Variants in GPATCH2 observed in about 807,000 individuals in gnomAD.
GPATCH2 encodes G patch domain-containing protein 2.
Under a neutral mutation model 58.0 loss-of-function variants are expected in GPATCH2, and 51 were observed. That is an observed-to-expected ratio of 0.88 (90% confidence interval 0.70 to 1.11). The LOEUF is 1.11. Among genes scored for constraint, GPATCH2 ranks in the 50% most tolerant of loss-of-function variants. The probability of loss-of-function intolerance (pLI) is 0.00; values close to 1 mark genes in which losing one functional copy is unlikely to be tolerated. For missense variants in GPATCH2, 625 were observed against 652.2 expected, an observed-to-expected ratio of 0.96 and a Z score of 0.45; for synonymous variants, 222 against 218.5, an observed-to-expected ratio of 1.02 and a Z score of -0.14.
chr1:217,598,204 A>G (rs532358213), intron 5 of GPATCH2, among the ~76,000 whole-genome samples: 97 of 152,074 alleles, frequency 6.4e-4, no homozygotes, highest in Non-Finnish European at 1.2e-3. Context: ...TGGCCAACAT[A>G]TCGAAACCCT....
intron 5 of GPATCH2, among the ~76,000 whole-genome samples, chr1:217,538,566 G>T (rs557820804): frequency 6.6e-6 from 1 of 152,124 alleles, no homozygotes; most frequent in African/African-American, 2.4e-5. Context: ...CAAATCTCTT[G>T]CAAATATCAA....
At chr1:217,611,400 A>C (rs1015080465) in intron 3 of GPATCH2, among the ~76,000 whole-genome samples, 4 of 152,074 alleles carry the variant, frequency 2.6e-5, no homozygotes. Context: ...TCACTTAAGA[A>C]ATGTTATCTT....
At chr1:217,538,862 C>T (rs1223286560) in intron 5 of GPATCH2, among the ~76,000 whole-genome samples, 1 of 152,206 alleles carries the variant, frequency 6.6e-6, no homozygotes, top group East Asian at 1.9e-4. Flanking sequence ...GAATGCTATA[C>T]TGTCAAACAG....
At chr1:217,576,672 T>C (rs756524024) in intron 5 of GPATCH2, among the ~76,000 whole-genome samples, 5 of 152,200 alleles carry the variant, frequency 3.3e-5, no homozygotes, top group Non-Finnish European at 7.4e-5. Flanking sequence ...AGATGTTGGC[T>C]ATGAGGTTTC....
intron 6 of GPATCH2, among the ~76,000 whole-genome samples, chr1:217,514,160 CTT>C (rs1227169328): frequency 6.9e-6 from 1 of 144,214 alleles, no homozygotes; most frequent in Non-Finnish European, 1.5e-5. Context: ...TCTTTTACTC[CTT>C]TTTTTTTTTC....
intron 6 of GPATCH2, chr1:217,498,609 C>A: frequency 1.7e-6 from 1 of 593,698 alleles, no homozygotes; most frequent in East Asian, 2.8e-5. Context: ...ATTTAATAAG[C>A]AAACTGAGTT....
chr1:217,631,033 G>T lies in GPATCH2; in HGVS notation c.-62C>A. ...CCGTGAACAGACTCCAACTACAACAGCACCGGCGACTTCCAAAGAGCAGTT... is the reference window on the plus strand; with the variant it reads ...CCGTGAACAGACTCCAACTACAACATCACCGGCGACTTCCAAAGAGCAGTT... On this transcript the variant is annotated 5_prime_UTR_variant, in exon 1 of 10. The change creates a new upstream start codon in the 5' untranslated region. Transcript: ENST00000366935. 3 of 1,451,594 alleles carry T rather than the reference G, an allele frequency of 2.1e-6. No homozygotes were observed. Among genetic ancestry groups the T allele is most frequent in the Admixed American group, 2.0e-5 (1 of 50,696 alleles). The allele number at this position is 1,451,594 out of a possible 1,614,324, so 89.9% of individuals were successfully genotyped here.
intron 3 of GPATCH2, 124 bp from the exon 4 acceptor site, chr1:217,611,195 T>C: frequency 1.3e-6 from 1 of 795,044 alleles, no homozygotes; most frequent in Non-Finnish European, 2.0e-6. Context: ...GATCAATGAC[T>C]AACTTTTAAT....
At chr1:217,480,707 A>G (rs892633280) in intron 8 of GPATCH2, among the ~76,000 whole-genome samples, 1 of 152,228 alleles carries the variant, frequency 6.6e-6, no homozygotes, top group Non-Finnish European at 1.5e-5. Flanking sequence ...TTGTTGCAGC[A>G]CAGTTCACAA....
At chr1:217,510,353 A>G (rs2102571612) in intron 6 of GPATCH2, among the ~76,000 whole-genome samples, 1 of 152,092 alleles carries the variant, frequency 6.6e-6, no homozygotes, top group African/African-American at 2.4e-5. Context: ...TTGTGATTTG[A>G]TATCCTCCAC....
chr1:217,563,824 C>G (rs781516347), intron 5 of GPATCH2, among the ~76,000 whole-genome samples: 84 of 152,022 alleles, frequency 5.5e-4, no homozygotes, highest in Non-Finnish European at 1.0e-3. Flanking sequence ...GCGGGTGGAT[C>G]ACCTGAGGTA....
chr1:217,485,676 A>G (rs1661422552), intron 8 of GPATCH2, among the ~76,000 whole-genome samples: 1 of 152,138 alleles, frequency 6.6e-6, no homozygotes, highest in Non-Finnish European at 1.5e-5. Flanking sequence ...AAGGATACAA[A>G]CCTGATGGTG....
chr1:217,432,426 G>C (rs1269864495), intron 9 of GPATCH2, among the ~76,000 whole-genome samples: 2 of 152,064 alleles, frequency 1.3e-5, no homozygotes, highest in Non-Finnish European at 2.9e-5. Flanking sequence ...TGAAATCCAA[G>C]GATGGAGAAA....
At chr1:217,626,710 C>T (rs1669479405) in intron 1 of GPATCH2, among the ~76,000 whole-genome samples, 1 of 152,068 alleles carries the variant, frequency 6.6e-6, no homozygotes, top group African/African-American at 2.4e-5. Context: ...GAGACTATGT[C>T]TTCAATTTTC....
At chr1:217,538,909 G>A (rs1664600931) in intron 5 of GPATCH2, among the ~76,000 whole-genome samples, 1 of 152,126 alleles carries the variant, frequency 6.6e-6, no homozygotes, top group African/African-American at 2.4e-5. Flanking sequence ...CTGATGCCTT[G>A]TGCTGACTCC....
chr1:217,553,501 T>G (rs192363332), intron 5 of GPATCH2, among the ~76,000 whole-genome samples: 264 of 152,252 alleles, frequency 1.7e-3, no homozygotes, highest in Non-Finnish European at 3.1e-3. Context: ...GTCACAGGTA[T>G]ATCATTATTG....
intron 5 of GPATCH2, among the ~76,000 whole-genome samples, chr1:217,604,445 A>G (rs1295188174): frequency 6.6e-6 from 1 of 152,148 alleles, no homozygotes; most frequent in Non-Finnish European, 1.5e-5. Flanking sequence ...CAGAATATAC[A>G]TGACATATAT....
At chr1:217,437,924 C>A (rs1658922694) in intron 9 of GPATCH2, among the ~76,000 whole-genome samples, 1 of 152,176 alleles carries the variant, frequency 6.6e-6, no homozygotes, top group Non-Finnish European at 1.5e-5. Flanking sequence ...CCCTGACCCC[C>A]GTGCTTCCTG....
In GPATCH2 at chr1:217,514,909, G is replaced by T; in HGVS notation, c.1099-20C>A. On this transcript the variant is annotated intron_variant, in intron 5 of 9. Coordinates refer to ENST00000366935, the MANE Select transcript of GPATCH2 (RefSeq NM_018040.5). Reference sequence around the variant, plus strand: ...GGGTACCTACAGGGAGATTTAAAAAGAAAAAATAAATTTCAGATTTGTTTA... The same window carrying T: ...GGGTACCTACAGGGAGATTTAAAAATAAAAAATAAATTTCAGATTTGTTTA... 8.2e-7 allele frequency: 1 copy of T among 1,216,046 alleles called. No homozygotes were observed. 75.3% of individuals were successfully genotyped at this position (1,216,046 alleles called of 1,614,324 possible). A position where few individuals can be genotyped will look rare whatever the true frequency, so the allele number is the denominator to read the frequency against.
Sources: gnomAD v4.1 joint callset for allele counts (sites outside exome capture counted in the v4.1 genomes callset) on GRCh38, gnomAD v4.1.1 for gene constraint, MANE v1.5 for transcripts, NCBI Gene and HGNC (gene_info 2026-07-23, HGNC 2026-07-21) for gene names.